Variants in CDS2 observed in about 807,000 individuals in gnomAD.
The protein encoded by CDS2 is phosphatidate cytidylyltransferase 2.
A neutral mutation model predicts 59.0 loss-of-function variants in CDS2; 47 were observed. The ratio of observed to expected loss-of-function variants is 0.80; its 90% confidence interval spans 0.63 to 1.02. The LOEUF (loss-of-function observed/expected upper bound fraction) is 1.02, where lower values mean the gene tolerates loss of function less well. CDS2 is among the 50% of genes least tolerant of loss of function. The pLI is 0.00. For missense variants in CDS2, 356 were observed against 558.9 expected (o/e 0.64, Z 3.66); for synonymous variants, 207 against 206.4 (o/e 1.00, Z -0.02).
chr20:5,149,773 T>C (rs2090773962), intron 1 of CDS2, among the ~76,000 whole-genome samples: 1 of 152,040 alleles, frequency 6.6e-6, no homozygotes, highest in Non-Finnish European at 1.5e-5. Context: ...TGGAGTGAAG[T>C]GGCGTGATCT....
intron 1 of CDS2, among the ~76,000 whole-genome samples, chr20:5,142,174 C>CG (rs1292531796): frequency 6.6e-6 from 1 of 151,986 alleles, no homozygotes; most frequent in Non-Finnish European, 1.5e-5. Context: ...AGGCCGAGTG[C>CG]GGTGGCTCAC....
At chr20:5,134,311 C>T (rs368096330) in intron 1 of CDS2, among the ~76,000 whole-genome samples, 9 of 152,140 alleles carry the variant, frequency 5.9e-5, no homozygotes, top group East Asian at 3.8e-4. Flanking sequence ...CAGTATTCAA[C>T]GCTTCTCTTT....
chr20:5,167,435 T>C (rs1345216052), intron 1 of CDS2, among the ~76,000 whole-genome samples: 1 of 152,226 alleles, frequency 6.6e-6, no homozygotes, highest in African/African-American at 2.4e-5. Context: ...GTTCTGACAA[T>C]TGAACTTGTC....
rs2091153105 is a variant in CDS2, at chr20:5,195,819, G to A, written c.*5585G>A. The A allele has an allele frequency of 6.6e-6, 1 of 152,192 alleles. No homozygotes were observed. Among genetic ancestry groups the A allele is most frequent in the Non-Finnish European group, 1.5e-5 (1 of 68,042 alleles). The allele number at this position is 152,192 out of a possible 1,614,324, so 9.4% of individuals were successfully genotyped here. A position where few individuals can be genotyped will look rare whatever the true frequency, so the allele number is the denominator to read the frequency against. On this transcript the variant is annotated 3_prime_UTR_variant, in exon 13 of 13. Transcript: ENST00000460006. ...GGGTAGAAGTGGGTGACCCATTGAGGACACATGATGTGAGGTATTTCTGCC... is the reference window on the plus strand; with the variant it reads ...GGGTAGAAGTGGGTGACCCATTGAGAACACATGATGTGAGGTATTTCTGCC...
chr20:5,148,132 G>A (rs1489797965), intron 1 of CDS2, among the ~76,000 whole-genome samples: 1 of 152,154 alleles, frequency 6.6e-6, no homozygotes, highest in East Asian at 1.9e-4. Context: ...TAATGGGGCT[G>A]CTTTAACAAG....
chr20:5,184,719 GTT>G lies in CDS2; in HGVS notation c.672-135_672-134del. On this transcript the variant is annotated intron_variant, in intron 7 of 12. Coordinates refer to ENST00000460006, the MANE Select transcript of CDS2 (RefSeq NM_003818.4). The surrounding 1 kb of genome is among the most constrained non-coding windows in gnomAD (Gnocchi z 4.3). ...GTATGACTTTTTTGGTATTTTTTAT[GTT>G]TTTAACTTACTCCTTAATGGGTTAC... 1 of 708,738 alleles carries G rather than the reference GTT, an allele frequency of 1.4e-6. No individual in the cohort carries two copies. The highest frequency in any genetic ancestry group is 1.7e-5 in the South Asian group (1 of 59,580). The allele number at this position is 708,738 out of a possible 1,614,324, so 43.9% of individuals were successfully genotyped here. A position where few individuals can be genotyped will look rare whatever the true frequency, so the allele number is the denominator to read the frequency against.
At chr20:5,177,298 C>A (rs1416936275) in intron 4 of CDS2, among the ~76,000 whole-genome samples, 2 of 151,894 alleles carry the variant, frequency 1.3e-5, no homozygotes, top group Non-Finnish European at 2.9e-5. Flanking sequence ...ACTTGGTTTC[C>A]TTATCTCTAA....
intron 1 of CDS2, among the ~76,000 whole-genome samples, chr20:5,131,365 A>C (rs1288486606): frequency 6.6e-6 from 1 of 152,240 alleles, no homozygotes; most frequent in African/African-American, 2.4e-5. Context: ...ATAGTTGCCA[A>C]ACTAAGAAAC....
At chr20:5,177,708 C>A (rs10485483) in intron 4 of CDS2, among the ~76,000 whole-genome samples, 13,629 of 152,148 alleles carry the variant, frequency 0.09, 694 homozygotes, top group Middle Eastern at 0.17. Context: ...AACCTGGTCA[C>A]TGTCAAGGAA....
intron 1 of CDS2, among the ~76,000 whole-genome samples, chr20:5,147,998 G>A (rs564229367): frequency 1.3e-5 from 2 of 152,000 alleles, no homozygotes; most frequent in Non-Finnish European, 2.9e-5. Context: ...TCACTCTGTC[G>A]GCCAGGCTGG....
At chr20:5,186,483 A>T (rs1250735087) in intron 9 of CDS2, among the ~76,000 whole-genome samples, 1 of 149,300 alleles carries the variant, frequency 6.7e-6, no homozygotes, top group Non-Finnish European at 1.5e-5. Flanking sequence ...GGGTTCCTGT[A>T]TGTAACCTTG....
rs988394347 is a variant in CDS2, at chr20:5,192,519, A to G, written c.*2285A>G. On this transcript the variant is annotated 3_prime_UTR_variant, in exon 13 of 13. Transcript: ENST00000460006. ...GAGAGCACTGCCACCTTGTGTCCAT[A>G]TAGCACAATGTTTCTCTTTCCTATT... The G allele has an allele frequency of 6.6e-6, 1 of 152,308 alleles. No individual in the cohort carries two copies. Among genetic ancestry groups the G allele is most frequent in the Non-Finnish European group, 1.5e-5 (1 of 68,136 alleles). 9.4% of individuals were successfully genotyped at this position (152,308 alleles called of 1,614,324 possible). A position where few individuals can be genotyped will look rare whatever the true frequency, so the allele number is the denominator to read the frequency against.
At chr20:5,168,411 TCCC>T (rs1234628057) in intron 1 of CDS2, among the ~76,000 whole-genome samples, 48 of 80,102 alleles carry the variant, frequency 6.0e-4, no homozygotes, top group African/African-American at 2.4e-3. Context: ...CAAGACTCTG[TCCC>T]CCCAAAAAAA....
chr20:5,131,041 C>G (rs1441034434), intron 1 of CDS2, among the ~76,000 whole-genome samples: 1 of 148,328 alleles, frequency 6.7e-6, no homozygotes, highest in Admixed American at 6.8e-5. Context: ...TGCAGTGAGC[C>G]GAGATGGCGC....
Position 5,189,003 on chromosome 20 carries a change from A to T in CDS2, c.982-64A>T. On this transcript the variant is annotated intron_variant, in intron 10 of 12. Transcript: ENST00000460006. Reference sequence around the variant, plus strand: ...GAGGATCAAATTTCAACATGAGTTGACAACTCAAACCGTAACACTGGGCAT... The same window carrying T: ...GAGGATCAAATTTCAACATGAGTTGTCAACTCAAACCGTAACACTGGGCAT... 2 of 1,597,728 alleles carry T rather than the reference A, an allele frequency of 1.3e-6. 1 individual carries two copies. Among genetic ancestry groups the T allele is most frequent in the Non-Finnish European group, 1.7e-6 (2 of 1,166,924 alleles).
chr20:5,177,649 G>T (rs1039783940), intron 4 of CDS2, among the ~76,000 whole-genome samples: 6 of 152,188 alleles, frequency 3.9e-5, no homozygotes, highest in African/African-American at 1.2e-4. Flanking sequence ...GGATACAGGG[G>T]TTGAAGCCAT....
At chr20:5,142,319 T>C (rs1195646868) in intron 1 of CDS2, among the ~76,000 whole-genome samples, 1 of 152,052 alleles carries the variant, frequency 6.6e-6, no homozygotes, top group African/African-American at 2.4e-5. Context: ...TGATGGTGCA[T>C]GCCTGTAATC....
At chr20:5,179,682 A>C (rs999461234) in intron 5 of CDS2, among the ~76,000 whole-genome samples, 1 of 152,214 alleles carries the variant, frequency 6.6e-6, no homozygotes, top group Non-Finnish European at 1.5e-5. Flanking sequence ...AGACTCTGCA[A>C]CCTCAGGGGG....
At position 5,184,891 on chromosome 20, in the gene CDS2, T is replaced by G; in HGVS notation, c.705T>G (p.Asn235Lys). The change falls in exon 8 of 13, where the codon AAT becomes AAG. Residue 235 changes from asparagine (N) to lysine (K), a missense_variant. Physicochemically the swap from Asn to Lys is moderately conservative, Grantham distance 94. Around this residue, in one of 5 missense-constraint regions of CDS2, gnomAD observed 87 missense variants for 193.3 expected, o/e 0.45. Coordinates refer to ENST00000460006, the MANE Select transcript of CDS2 (RefSeq NM_003818.4). The surrounding 1 kb of genome is among the most constrained non-coding windows in gnomAD (Gnocchi z 4.3). Reference protein sequence around the residue: ...FIVPISCVICNDIMAYMFGFF... With the variant: ...FIVPISCVICKDIMAYMFGFF... ...TCCCCATATCTTGTGTGATCTGTAA[T>G]GACATCATGGCCTATATGTTTGGCT... The G allele has an allele frequency of 6.2e-7, 1 of 1,614,074 alleles. No individual in the cohort carries two copies. Among genetic ancestry groups the G allele is most frequent in the Non-Finnish European group, 8.5e-7 (1 of 1,179,940 alleles).
Sources: allele counts gnomAD v4.1 joint callset (sites outside exome capture counted in the v4.1 genomes callset), GRCh38; gene constraint gnomAD v4.1.1; regional missense constraint gnomAD v4.1.1; non-coding constraint Gnocchi (gnomAD v3.1); transcripts MANE v1.5; gene names NCBI Gene and HGNC (gene_info 2026-07-23, HGNC 2026-07-21).